Variants in PIK3C2A observed in about 807,000 individuals in gnomAD.
The protein encoded by PIK3C2A is phosphatidylinositol-4-phosphate 3-kinase catalytic subunit type 2 alpha, also known as phosphatidylinositol 4-phosphate 3-kinase C2 domain-containing subunit alpha.
Under a neutral mutation model 204.5 loss-of-function variants are expected in PIK3C2A, and 97 were observed. That is an observed-to-expected ratio of 0.47 (90% CI 0.40 to 0.56). PIK3C2A has a LOEUF of 0.56. PIK3C2A is among the 20% of genes least tolerant of loss of function. The pLI is 0.00. For synonymous variants in PIK3C2A, 653 were observed against 664.4 expected (o/e 0.98, Z 0.26); for missense variants, 1,735 against 1,969.2 (o/e 0.88, Z 2.25).
At chr11:17,120,498 A>C (rs969416230) in intron 15 of PIK3C2A, among the ~76,000 whole-genome samples, 2 of 151,782 alleles carry the variant, frequency 1.3e-5, no homozygotes, top group African/African-American at 2.4e-5. Context: ...ATCCATATAT[A>C]TATAAATATA....
At chr11:17,153,598 T>A (rs1041068537) in intron 3 of PIK3C2A, among the ~76,000 whole-genome samples, 6 of 152,242 alleles carry the variant, frequency 3.9e-5, no homozygotes, top group African/African-American at 1.4e-4. Flanking sequence ...CTGAAAGAGA[T>A]CTTTGAAATC....
In PIK3C2A at chr11:17,133,050, A is replaced by C. The variant is rs978646641; in HGVS notation, c.2109-1012T>G. Among the ~76,000 whole-genome samples, 3 of 152,206 alleles carry C rather than the reference A, an allele frequency of 2.0e-5. No individual in the cohort carries two copies. In the East Asian group the frequency reaches 5.8e-4, roughly 29 times the overall value. On this transcript the variant is annotated intron_variant, in intron 11 of 32. Transcript: ENST00000691414. ...TATATACAATTTATTTATCATTCTA[A>C]ATTTAATTCAAATCAAATTTCGTTG...
At chr11:17,193,580 G>A in intron 1 of PIK3C2A, 1 of 395,124 alleles carries the variant, frequency 2.5e-6, no homozygotes, top group Non-Finnish European at 5.0e-6. Context: ...AGGTGTGGTG[G>A]CTTACGCCCG....
intron 8 of PIK3C2A, chr11:17,141,249 T>G (rs1816149414): frequency 6.6e-6 from 1 of 151,750 alleles, no homozygotes; most frequent in South Asian, 2.1e-4. Flanking sequence ...TTTTCTCTTA[T>G]TTTGCTTTCT....
intron 9 of PIK3C2A, 22 bp from the exon 10 acceptor site, chr11:17,135,181 C>A (rs769573226): frequency 3.1e-6 from 5 of 1,611,386 alleles, no homozygotes; most frequent in Non-Finnish European, 4.2e-6. Context: ...CACACACACA[C>A]AATAGTCAGA....
At position 17,112,379 on chromosome 11, in the gene PIK3C2A, G is replaced by C. The variant is rs1031406561; in HGVS notation, c.3414+195C>G. 1.3e-4 allele frequency among the ~76,000 whole-genome samples: 20 copies of C among 152,100 alleles called. 1 individual carries two copies. ...GAGGCAGGAGAATCACTTGAACCCA[G>C]GATGTGGAGGTTGCAGTAAGCCGAG... On this transcript the variant is annotated intron_variant, in intron 21 of 32. Coordinates refer to ENST00000691414, the MANE Select transcript of PIK3C2A (RefSeq NM_002645.4).
Position 17,169,111 on chromosome 11 carries a change from T to C in PIK3C2A, c.631A>G (p.Ser211Gly), listed in dbSNP as rs1358967756. Residue 211 changes from serine to glycine, a missense_variant, in exon 2 of 33, where the codon AGC becomes GGC. Coordinates refer to ENST00000691414, the MANE Select transcript of PIK3C2A (RefSeq NM_002645.4). ...ACTACTGGACGATAGATAGGTAAGCTTCCTTGTGGATGAAAGGGTGTGGCA... is the reference window on the plus strand; with the variant it reads ...ACTACTGGACGATAGATAGGTAAGCCTCCTTGTGGATGAAAGGGTGTGGCA... ...TPATPFHPQGSLPIYRPVVST... is the reference protein window; with the variant it reads ...TPATPFHPQGGLPIYRPVVST... The C allele has an allele frequency of 6.2e-7, 1 of 1,614,208 alleles. No homozygotes were observed. The highest frequency in any genetic ancestry group is 8.5e-7 in the Non-Finnish European group (1 of 1,180,026).
intron 13 of PIK3C2A, among the ~76,000 whole-genome samples, chr11:17,126,205 G>A (rs939104440): frequency 6.6e-6 from 1 of 152,130 alleles, no homozygotes. Flanking sequence ...AGGAAAGACA[G>A]GTTAACTGCT....
At chr11:17,144,750 A>G (rs930067401) in intron 8 of PIK3C2A, among the ~76,000 whole-genome samples, 1 of 151,740 alleles carries the variant, frequency 6.6e-6, no homozygotes, top group Non-Finnish European at 1.5e-5. Flanking sequence ...ATAAAAATTA[A>G]CCAGACATGG....
At position 17,134,799 on chromosome 11, in the gene PIK3C2A, CT is replaced by C; in HGVS notation, c.2108+19del. 6.4e-7 allele frequency: 1 copy of C among 1,560,732 alleles called. No individual in the cohort carries two copies. Among genetic ancestry groups the C allele is most frequent in the East Asian group, 2.2e-5 (1 of 44,660 alleles). On this transcript the variant is annotated intron_variant, in intron 11 of 32. Coordinates refer to ENST00000691414, the MANE Select transcript of PIK3C2A (RefSeq NM_002645.4). ...TACAGGTGCAAGCCACCATGCCTGG[CT>C]GCTTAAACAGTTACTTACTTTGATA...
chr11:17,196,655 C>T (rs553657269), intron 1 of PIK3C2A, among the ~76,000 whole-genome samples: 13 of 151,988 alleles, frequency 8.6e-5, no homozygotes, highest in Non-Finnish European at 1.6e-4. Flanking sequence ...CTGCAAGCTC[C>T]GCCTCCCGGG....
intron 1 of PIK3C2A, among the ~76,000 whole-genome samples, chr11:17,198,978 G>A (rs549859435): frequency 3.9e-5 from 6 of 152,094 alleles, no homozygotes; most frequent in South Asian, 4.2e-4. Context: ...AATTAGCCAC[G>A]CGTGCTGACA....
chr11:17,134,219 T>A (rs950703181), intron 11 of PIK3C2A, among the ~76,000 whole-genome samples: 9 of 152,138 alleles, frequency 5.9e-5, no homozygotes, highest in African/African-American at 2.2e-4. Flanking sequence ...TTCTTTTTAT[T>A]TTTTTGAGAC....
chr11:17,146,281 T>C lies in PIK3C2A; in HGVS notation c.1561-339A>G, dbSNP rs180776131. 4.4e-3 allele frequency among the ~76,000 whole-genome samples: 676 copies of C among 152,268 alleles called. 4 individuals carry two copies. Among genetic ancestry groups the C allele is most frequent in the Non-Finnish European group, 6.6e-3 (452 of 68,016 alleles). ...AAGATGGCTGATAGCCAAATGCATA[T>C]GGGGTAGAAAACAGATGGAGGTCAT... On this transcript the variant is annotated intron_variant, in intron 6 of 32. Coordinates refer to ENST00000691414, the MANE Select transcript of PIK3C2A (RefSeq NM_002645.4).
chr11:17,146,140 T>A (rs1270041720), intron 6 of PIK3C2A, among the ~76,000 whole-genome samples, 198 bp from the exon 7 acceptor site: 1 of 152,180 alleles, frequency 6.6e-6, no homozygotes, highest in Non-Finnish European at 1.5e-5. Flanking sequence ...AAAAAAAACT[T>A]GTTTGTTAAA....
rs1329647243 is a variant in PIK3C2A at position 17,102,551 on chromosome 11, TC to T, written c.3851+110del. On this transcript the variant is annotated intron_variant, in intron 24 of 32. Coordinates refer to ENST00000691414, the MANE Select transcript of PIK3C2A (RefSeq NM_002645.4). ...GGTCATATCTTTGGGCCTTTTTCATTCCCAGTTATGTTCAAATGGAGCCGCG... is the reference window on the plus strand; with the variant it reads ...GGTCATATCTTTGGGCCTTTTTCATTCCAGTTATGTTCAAATGGAGCCGCG... 1.2e-5 allele frequency: 9 copies of T among 771,142 alleles called. No individual in the cohort carries two copies. The Admixed American group carries it at 1.7e-4, about 15-fold the overall frequency. 47.8% of individuals were successfully genotyped at this position (771,142 alleles called of 1,614,324 possible). A position where few individuals can be genotyped will look rare whatever the true frequency, so the allele number is the denominator to read the frequency against.
Position 17,162,804 on chromosome 11 carries a change from AAT to A in PIK3C2A, c.1065+5871_1065+5872del, listed in dbSNP as rs1850821092. 4.6e-5 allele frequency among the ~76,000 whole-genome samples: 7 copies of A among 152,274 alleles called. No individual in the cohort carries two copies. In the South Asian group the frequency reaches 1.5e-3, roughly 32 times the overall value. ...TTCTTTGCTGAATTAAACTATGTTA[AAT>A]ATGTCTAAAGTTTTTCTCTTAACAC... On this transcript the variant is annotated intron_variant, in intron 2 of 32. Coordinates refer to ENST00000691414, the MANE Select transcript of PIK3C2A (RefSeq NM_002645.4).
chr11:17,168,149 A>T (rs1253808945), intron 2 of PIK3C2A, among the ~76,000 whole-genome samples: 1 of 152,216 alleles, frequency 6.6e-6, no homozygotes, highest in Non-Finnish European at 1.5e-5. Context: ...TTTTATTTAC[A>T]ATCCTAGAAA....
intron 1 of PIK3C2A, among the ~76,000 whole-genome samples, chr11:17,207,329 G>T (rs890422727): frequency 6.6e-6 from 1 of 152,124 alleles, no homozygotes; most frequent in African/African-American, 2.4e-5. Context: ...CGGTGGGAGT[G>T]GGGGGTCCGG....
Sources: allele counts gnomAD v4.1 joint callset (sites outside exome capture counted in the v4.1 genomes callset), GRCh38; gene constraint gnomAD v4.1.1; transcripts MANE v1.5; gene names NCBI Gene and HGNC (gene_info 2026-07-23, HGNC 2026-07-21).